Variants in STK32B observed in about 807,000 individuals in gnomAD.
The protein encoded by STK32B is serine/threonine kinase 32B.
STK32B carries 43 observed loss-of-function variants against 52.6 expected under a neutral mutation model. That is an observed-to-expected ratio of 0.82 (90% CI 0.64 to 1.05). The LOEUF (loss-of-function observed/expected upper bound fraction) is 1.05. Among genes scored for constraint, STK32B ranks in the 50% least tolerant of loss-of-function variants. The pLI is 0.00. For missense variants in STK32B, 621 were observed against 534.6 expected (o/e 1.16, Z -1.59); for synonymous variants, 238 against 204.3 (o/e 1.17, Z -1.41).
chr4:5,344,773 A>T (rs959129764), intron 4 of STK32B, among the ~76,000 whole-genome samples: 3 of 152,070 alleles, frequency 2.0e-5, no homozygotes, highest in Non-Finnish European at 2.9e-5. Context: ...CTTTAGTTAA[A>T]ACAGTTTTAT....
rs1737121350 is a variant in STK32B at position 5,399,164 on chromosome 4, G to C, written c.472+920G>C. Reference sequence around the variant, plus strand: ...CTTCAAAACTAAATTCACTGGCATTGCTTCAGGGGCCCGTCTCTCAGGGCC... The same window carrying C: ...CTTCAAAACTAAATTCACTGGCATTCCTTCAGGGGCCCGTCTCTCAGGGCC... On this transcript the variant is annotated intron_variant, in intron 5 of 11. Coordinates refer to ENST00000282908, the MANE Select transcript of STK32B (RefSeq NM_018401.3). This position sits in a 1 kb window ranked among gnomAD's most constrained non-coding sequence, Gnocchi z 5.4. Among the ~76,000 whole-genome samples, 1 of 150,570 alleles carries C rather than the reference G, an allele frequency of 6.6e-6. No homozygotes were observed. Among genetic ancestry groups the C allele is most frequent in the African/African-American group, 2.4e-5 (1 of 41,364 alleles).
chr4:5,056,291 T>C (rs1262605431), intron 1 of STK32B, among the ~76,000 whole-genome samples: 1 of 152,176 alleles, frequency 6.6e-6, no homozygotes, highest in African/African-American at 2.4e-5. Flanking sequence ...GCCAAAAAGG[T>C]TGGGGACCAC....
chr4:5,480,090 C>CA (rs755880717), intron 11 of STK32B, among the ~76,000 whole-genome samples: 88 of 151,976 alleles, frequency 5.8e-4, no homozygotes, highest in Non-Finnish European at 1.0e-3. Context: ...CGGTGACAGT[C>CA]AGCACTACCC....
At chr4:5,252,046 G>A (rs540079523) in intron 3 of STK32B, among the ~76,000 whole-genome samples, 1 of 152,202 alleles carries the variant, frequency 6.6e-6, no homozygotes, top group South Asian at 2.1e-4. Flanking sequence ...CCAACCTGAA[G>A]ATCCCCCAAC....
chr4:5,380,087 T>G lies in STK32B; in HGVS notation c.435-18120T>G, dbSNP rs1163054381. 1.3e-5 allele frequency among the ~76,000 whole-genome samples: 2 copies of G among 152,152 alleles called. No homozygotes were observed. Among genetic ancestry groups the G allele is most frequent in the African/African-American group, 4.8e-5 (2 of 41,428 alleles). ...GGCTATGCTCACTGTGCAGAGCATC[T>G]CCCCAGCCCACTGCTTGCTTCTCAG... is the stretch of plus-strand genomic sequence containing the variant. On this transcript the variant is annotated intron_variant, in intron 4 of 11. Transcript: ENST00000282908. This position sits in a 1 kb window ranked among gnomAD's most constrained non-coding sequence, Gnocchi z 4.3.
intron 6 of STK32B, among the ~76,000 whole-genome samples, chr4:5,444,070 C>G (rs1173612661): frequency 1.3e-5 from 2 of 152,162 alleles, no homozygotes; most frequent in Non-Finnish European, 2.9e-5. Context: ...CTGTGCCCTG[C>G]CCCCAGAGGT....
In STK32B at chr4:5,400,560, A is replaced by G. The variant is rs565222152; in HGVS notation, c.472+2316A>G. Among the ~76,000 whole-genome samples the G allele has an allele frequency of 3.3e-5, 5 of 152,270 alleles. No homozygotes were observed. Among genetic ancestry groups the G allele is most frequent in the African/African-American group, 1.2e-4 (5 of 41,552 alleles). On this transcript the variant is annotated intron_variant, in intron 5 of 11. Transcript: ENST00000282908. This position sits in a 1 kb window ranked among gnomAD's most constrained non-coding sequence, Gnocchi z 6.1. ...GACAGAGCGTTGAATATAATATTTC[A>G]TACTGTGAGGTGAATGGCTGATAAC...
intron 4 of STK32B, among the ~76,000 whole-genome samples, chr4:5,381,497 T>C (rs759743533): frequency 2.0e-5 from 3 of 152,276 alleles, no homozygotes; most frequent in East Asian, 3.9e-4. Flanking sequence ...GGGCTTTCGA[T>C]TGAATGAGAT....
At chr4:5,099,454 G>GTGCGCTCGCACA (rs138682243) in intron 1 of STK32B, among the ~76,000 whole-genome samples, 3 of 129,850 alleles carry the variant, frequency 2.3e-5, no homozygotes, top group Middle Eastern at 9.3e-3. Flanking sequence ...GTGTGTGCGC[G>GTGCGCTCGCACA]CGCGCGTATG....
chr4:5,187,625 G>GGA (rs1720849042), intron 3 of STK32B, among the ~76,000 whole-genome samples: 1 of 151,210 alleles, frequency 6.6e-6, no homozygotes, highest in Non-Finnish European at 1.5e-5. Context: ...GGGCGGGGGA[G>GGA]GGGGGGGACA....
upstream of STK32B, among the ~76,000 whole-genome samples, chr4:5,049,274 G>A (rs1302343234): frequency 6.6e-6 from 1 of 151,390 alleles, no homozygotes; most frequent in Non-Finnish European, 1.5e-5. Context: ...TCAGCTCACT[G>A]CAACCTCCGC....
chr4:5,368,236 GCTTTGCTTTC>G (rs1214495305), intron 4 of STK32B, among the ~76,000 whole-genome samples: 40 of 152,286 alleles, frequency 2.6e-4, no homozygotes, highest in African/African-American at 8.7e-4. Context: ...GCCTCTAAGG[GCTTTGCTTTC>G]AGTAACTCAC....
intron 1 of STK32B, among the ~76,000 whole-genome samples, chr4:5,057,552 G>C (rs952476595): frequency 6.6e-5 from 10 of 152,164 alleles, no homozygotes; most frequent in Non-Finnish European, 1.5e-4. Flanking sequence ...TTATGGGATC[G>C]TAAAGGGGCC....
At chr4:5,187,957 G>A (rs1023871814) in intron 3 of STK32B, among the ~76,000 whole-genome samples, 3 of 152,128 alleles carry the variant, frequency 2.0e-5, no homozygotes, top group Non-Finnish European at 4.4e-5. Context: ...CGTGGAAAAT[G>A]GCCTTTCCTC....
At chr4:5,316,189 A>G (rs1312555026) in intron 3 of STK32B, among the ~76,000 whole-genome samples, 2 of 93,358 alleles carry the variant, frequency 2.1e-5, no homozygotes, top group Non-Finnish European at 3.8e-5. Context: ...CTAAATATAT[A>G]TATTTAGATA....
At chr4:5,431,248 T>TGTATTACC (rs568757655) in intron 6 of STK32B, among the ~76,000 whole-genome samples, 284 of 152,360 alleles carry the variant, frequency 1.9e-3, no homozygotes, top group African/African-American at 6.5e-3. Flanking sequence ...GGCCAGATCA[T>TGTATTACC]GTATTACCTG....
intron 7 of STK32B, among the ~76,000 whole-genome samples, chr4:5,449,550 T>C (rs1715786351): frequency 6.6e-6 from 1 of 152,202 alleles, no homozygotes; most frequent in Non-Finnish European, 1.5e-5. Context: ...GAGACCACAG[T>C]GCAGACCAGG....
chr4:5,248,742 A>G (rs1260902884), intron 3 of STK32B, among the ~76,000 whole-genome samples: 5 of 152,322 alleles, frequency 3.3e-5, no homozygotes, highest in Admixed American at 2.6e-4. Flanking sequence ...AATACTATGC[A>G]GCCATAAAAA....
At chr4:5,255,439 A>T (rs1726231513) in intron 3 of STK32B, among the ~76,000 whole-genome samples, 1 of 152,152 alleles carries the variant, frequency 6.6e-6, no homozygotes, top group East Asian at 1.9e-4. Context: ...TTTTTTATTT[A>T]GGTAACATAC....
Sources: gnomAD v4.1 joint callset for allele counts (sites outside exome capture counted in the v4.1 genomes callset) on GRCh38, gnomAD v4.1.1 for gene constraint, Gnocchi (gnomAD v3.1) non-coding constraint, MANE v1.5 for transcripts, NCBI Gene and HGNC (gene_info 2026-07-23, HGNC 2026-07-21) for gene names.